Variants in HDAC9 observed in about 807,000 individuals in gnomAD.
HDAC9 encodes the protein histone deacetylase 9.
HDAC9 carries 41 observed loss-of-function variants against 139.4 expected under a neutral mutation model. The ratio of observed to expected loss-of-function variants is 0.29; its 90% CI spans 0.23 to 0.38. The LOEUF (loss-of-function observed/expected upper bound fraction) is 0.38. HDAC9 is among the 10% of genes least tolerant of loss of function. HDAC9 has a pLI of 1.00. For synonymous variants in HDAC9, 517 were observed against 476.2 expected (o/e 1.09, Z -1.12); for missense variants, 1,147 against 1,297.0 (o/e 0.88, Z 1.78).
intron 1 of HDAC9, among the ~76,000 whole-genome samples, chr7:18,406,010 A>G (rs1330070530): frequency 1.3e-5 from 2 of 152,216 alleles, no homozygotes; most frequent in Non-Finnish European, 2.9e-5. Flanking sequence ...TCACACAAAC[A>G]GTTAGTTTTA....
At chr7:18,788,652 G>A (rs1344193804) in intron 16 of HDAC9, among the ~76,000 whole-genome samples, 1 of 151,898 alleles carries the variant, frequency 6.6e-6, no homozygotes, top group African/African-American at 2.4e-5. Flanking sequence ...CTACTTGGGA[G>A]GCTGAGGCGG....
intron 22 of HDAC9, among the ~76,000 whole-genome samples, chr7:18,878,178 GT>G (rs1460812194): frequency 3.3e-5 from 5 of 151,974 alleles, no homozygotes; most frequent in African/African-American, 9.7e-5. Flanking sequence ...GCTTTATAGT[GT>G]TGTTAACATT....
At chr7:18,313,394 T>C (rs1470412606) in intron 1 of HDAC9, among the ~76,000 whole-genome samples, 3 of 152,162 alleles carry the variant, frequency 2.0e-5, no homozygotes, top group African/African-American at 7.2e-5. Flanking sequence ...ATAAATTCTT[T>C]CAGAAGTGAT....
intron 1 of HDAC9, among the ~76,000 whole-genome samples, chr7:18,451,785 C>T (rs1699464802): frequency 2.0e-5 from 3 of 152,006 alleles, no homozygotes; most frequent in African/African-American, 7.2e-5. Context: ...GCTTGGAGAA[C>T]AGGCGGCACA....
chr7:18,701,176 T>C (rs1783442596), intron 12 of HDAC9, among the ~76,000 whole-genome samples: 1 of 151,608 alleles, frequency 6.6e-6, no homozygotes, highest in African/African-American at 2.4e-5. Flanking sequence ...CTTGCCACTG[T>C]GAGGTTTTTT....
intron 12 of HDAC9, among the ~76,000 whole-genome samples, chr7:18,687,400 G>A (rs1200536136): frequency 6.6e-6 from 1 of 151,752 alleles, no homozygotes; most frequent in African/African-American, 2.4e-5. Flanking sequence ...ATATTCAAAG[G>A]TGTATGATAT....
chr7:18,399,485 T>C (rs1049695576), intron 1 of HDAC9, among the ~76,000 whole-genome samples: 1 of 152,220 alleles, frequency 6.6e-6, no homozygotes, highest in Non-Finnish European at 1.5e-5. Flanking sequence ...ATGGCACTCA[T>C]TGTTTAAAGC....
chr7:18,370,157 A>G (rs928631164), intron 1 of HDAC9, among the ~76,000 whole-genome samples: 1 of 152,144 alleles, frequency 6.6e-6, no homozygotes, highest in Non-Finnish European at 1.5e-5. Flanking sequence ...ACCATTGTGC[A>G]TGTATTCTAT....
At chr7:18,715,712 T>C (rs1389658705) in intron 12 of HDAC9, among the ~76,000 whole-genome samples, 1 of 152,202 alleles carries the variant, frequency 6.6e-6, no homozygotes, top group Non-Finnish European at 1.5e-5. Flanking sequence ...ATGTTAAATC[T>C]AGTATATTAA....
At chr7:18,750,409 G>A (rs1308519930) in intron 14 of HDAC9, among the ~76,000 whole-genome samples, 1 of 152,068 alleles carries the variant, frequency 6.6e-6, no homozygotes, top group African/African-American at 2.4e-5. Flanking sequence ...ACAACACCAT[G>A]TACAGATTTA....
chr7:18,270,560 T>G (rs1796289826), intron 2 of HDAC9, among the ~76,000 whole-genome samples: 2 of 152,196 alleles, frequency 1.3e-5, no homozygotes, highest in African/African-American at 2.4e-5. Context: ...CTATCAAAAG[T>G]TTAAACGTTA....
chr7:18,779,029 C>A (rs895890648), intron 16 of HDAC9, among the ~76,000 whole-genome samples: 4 of 152,040 alleles, frequency 2.6e-5, no homozygotes, highest in Admixed American at 6.6e-5. Flanking sequence ...AGTATTCATT[C>A]ATCATATCCA....
At chr7:18,829,373 G>A in intron 18 of HDAC9, 88 bp from the exon 19 acceptor site, 3 of 1,158,374 alleles carry the variant, frequency 2.6e-6, no homozygotes, top group Non-Finnish European at 3.9e-6. Context: ...AGATCATATA[G>A]CATTTAAAAA....
intron 1 of HDAC9, among the ~76,000 whole-genome samples, chr7:18,318,046 G>A (rs1195114756): frequency 6.6e-6 from 1 of 152,082 alleles, no homozygotes; most frequent in Non-Finnish European, 1.5e-5. Context: ...ATTTTTTGAT[G>A]ACATGTGCTT....
intron 1 of HDAC9, among the ~76,000 whole-genome samples, chr7:18,133,389 T>C (rs1182076155): frequency 6.6e-6 from 1 of 152,166 alleles, no homozygotes; most frequent in African/African-American, 2.4e-5. Context: ...ATATTCTAGA[T>C]GACATGTGAG....
rs953065858 is a variant in HDAC9, at chr7:19,000,844, G to A, written c.*4782G>A. The A allele has an allele frequency of 6.6e-6, 1 of 152,220 alleles. No homozygotes were observed. The highest frequency in any genetic ancestry group is 1.9e-4 in the East Asian group (1 of 5,186). The allele number at this position is 152,220 out of a possible 1,614,324, so 9.4% of individuals were successfully genotyped here. The stretch of plus-strand genomic sequence containing the variant: ...ATTGCCAATATCTAAGCAATCAAAA[G>A]TTTCTGAAATCTCTGTTTCCTTAGT... On this transcript the variant is annotated 3_prime_UTR_variant, in exon 26 of 26. Transcript: ENST00000686413.
In HDAC9 at chr7:18,251,952, T is replaced by C. The variant is rs549587065; in HGVS notation, c.25+89603T>C. The stretch of plus-strand genomic sequence containing the variant: ...TACGTATGTCCCCGAGAGTGCACTT[T>C]CCATGAATGATGGCTTGCATCTTCT... On this transcript the variant is annotated intron_variant, in intron 2 of 12. Coordinates refer to the HDAC9 transcript ENST00000417496. 2.0e-5 allele frequency among the ~76,000 whole-genome samples: 3 copies of C among 152,190 alleles called. No homozygotes were observed. In the South Asian group the frequency reaches 6.2e-4, roughly 32 times the overall value.
rs184977058 is a variant in HDAC9 at position 18,861,892 on chromosome 7, G to A, written c.2685-12586G>A. Among the ~76,000 whole-genome samples, 686 of 152,144 alleles carry A rather than the reference G, an allele frequency of 4.5e-3. 2 individuals carry two copies. The highest frequency in any genetic ancestry group is 6.2e-3 in the Non-Finnish European group (420 of 67,996). On this transcript the variant is annotated intron_variant, in intron 21 of 25. Coordinates refer to ENST00000686413, the MANE Select transcript of HDAC9 (RefSeq NM_178425.4). The stretch of plus-strand genomic sequence containing the variant: ...CATATTCCTAATTATGATATATTGC[G>A]TTACATTATGATGTATATGTGCTAT...
At chr7:18,585,983 T>C (rs1829360045) in intron 3 of HDAC9, among the ~76,000 whole-genome samples, 1 of 152,202 alleles carries the variant, frequency 6.6e-6, no homozygotes, top group Non-Finnish European at 1.5e-5. Context: ...GTTCTGAGTA[T>C]GTCCGACTCT....
Sources: allele counts gnomAD v4.1 joint callset (sites outside exome capture counted in the v4.1 genomes callset), GRCh38; gene constraint gnomAD v4.1.1; transcripts MANE v1.5; gene names NCBI Gene and HGNC (gene_info 2026-07-23, HGNC 2026-07-21).